Variants in CPT1A observed in about 807,000 individuals in gnomAD.
CPT1A encodes carnitine palmitoyltransferase 1A, also known as carnitine O-palmitoyltransferase 1, liver isoform.
In CPT1A, 64 loss-of-function variants were observed where a neutral mutation model predicts 100.8. The observed-to-expected ratio is 0.63, with a 90% confidence interval of 0.52 to 0.78. The LOEUF is 0.78. Ranked by LOEUF, CPT1A falls within the 30% of genes least tolerant of loss-of-function variation. The pLI is 0.00. For missense variants in CPT1A, 802 were observed against 1,034.1 expected, an observed-to-expected ratio of 0.78 and a Z score of 3.08; for synonymous variants, 363 against 396.0, an observed-to-expected ratio of 0.92 and a Z score of 0.99.
intron 1 of CPT1A, among the ~76,000 whole-genome samples, chr11:68,828,412 C>T (rs1397878156): frequency 6.8e-6 from 1 of 147,762 alleles, no homozygotes; most frequent in African/African-American, 2.5e-5. Flanking sequence ...GGCCCCCCAC[C>T]TCCCACCTGC....
chr11:68,785,610 TAAAA>T, intron 9 of CPT1A: 1 of 122,084 alleles, frequency 8.2e-6, no homozygotes, highest in South Asian at 2.4e-4. Context: ...ATATTATCAT[TAAAA>T]AAAAAAAAAC....
chr11:68,815,681 C>T (rs1194607024), intron 1 of CPT1A, among the ~76,000 whole-genome samples, 194 bp from the exon 2 acceptor site: 1 of 152,212 alleles, frequency 6.6e-6, no homozygotes. Flanking sequence ...CAAAGACAGT[C>T]GCCACCTCTG....
At chr11:68,833,151 C>T (rs1856922010) in intron 1 of CPT1A, among the ~76,000 whole-genome samples, 1 of 152,194 alleles carries the variant, frequency 6.6e-6, no homozygotes, top group Non-Finnish European at 1.5e-5. Context: ...TCTGGCCTGG[C>T]CTCCTCACTG....
chr11:68,826,282 C>G (rs1052241076), intron 1 of CPT1A, among the ~76,000 whole-genome samples: 1 of 152,004 alleles, frequency 6.6e-6, no homozygotes, highest in African/African-American at 2.4e-5. Flanking sequence ...CCTGTCACTA[C>G]TAAAAATACA....
At chr11:68,836,530 T>C (rs186901761) in intron 1 of CPT1A, among the ~76,000 whole-genome samples, 133 of 152,106 alleles carry the variant, frequency 8.7e-4, no homozygotes, top group Non-Finnish European at 1.5e-3. Flanking sequence ...CCCCGCACTT[T>C]GGGAGGGTGA....
Position 68,761,401 on chromosome 11 carries a change from T to C in CPT1A, c.2028+134A>G, listed in dbSNP as rs760450495. 7.5e-4 allele frequency: 746 copies of C among 995,638 alleles called. 1 individual carries two copies. Among genetic ancestry groups the C allele is most frequent in the Middle Eastern group, 3.5e-3 (15 of 4,304 alleles). The allele number at this position is 995,638 out of a possible 1,614,324, so 61.7% of individuals were successfully genotyped here. On this transcript the variant is annotated intron_variant, in intron 16 of 18. Transcript: ENST00000265641. ...CGCGCTGCTCACATTTTCCATTTTA[T>C]GACAGCTACACCCACAGACCCGTTT...
intron 6 of CPT1A, among the ~76,000 whole-genome samples, chr11:68,797,450 C>T (rs1041711520): frequency 6.6e-6 from 1 of 152,060 alleles, no homozygotes; most frequent in African/African-American, 2.4e-5. Flanking sequence ...ACAGGAAGAT[C>T]GCTTGATGCC....
Position 68,841,706 on chromosome 11 carries a change from CCGTCCCCGGCCCCCGCA to C in CPT1A, c.-14+52_-14+68del. 1.2e-6 allele frequency: 1 copy of C among 850,244 alleles called. No individual in the cohort carries two copies. Among genetic ancestry groups the C allele is most frequent in the Non-Finnish European group, 1.4e-6 (1 of 706,098 alleles). The allele number at this position is 850,244 out of a possible 1,614,324, so 52.7% of individuals were successfully genotyped here. A position where few individuals can be genotyped will look rare whatever the true frequency, so the allele number is the denominator to read the frequency against. ...GGTTCCCGGCAGCCCCGCGCCCCGC[CCGTCCCCGGCCCCCGCA>C]GCCCGCAGGGCCGCCCCGCCACCCT... On this transcript the variant is annotated intron_variant, in intron 1 of 18. Coordinates refer to ENST00000265641, the MANE Select transcript of CPT1A (RefSeq NM_001876.4). The surrounding 1 kb of genome is among the most constrained non-coding windows in gnomAD (Gnocchi z 6.3).
chr11:68,779,737 A>C (rs891382588), intron 12 of CPT1A, among the ~76,000 whole-genome samples: 2 of 148,520 alleles, frequency 1.3e-5, no homozygotes, highest in East Asian at 4.0e-4. Flanking sequence ...TCAAGGCTAC[A>C]GTGAGCTATG....
chr11:68,816,754 TCGTGTGTGTG>T (rs760237894), intron 1 of CPT1A, among the ~76,000 whole-genome samples: 2 of 20,052 alleles, frequency 1.0e-4, no homozygotes, highest in Admixed American at 5.5e-4. Flanking sequence ...ATCCAAAAAC[TCGTGTGTGTG>T]TGTGTGTGTG....
Position 68,760,822 on chromosome 11 carries a change from G to A in CPT1A, c.2029-484C>T, listed in dbSNP as rs1027335362. The stretch of plus-strand genomic sequence containing the variant: ...GAGCTCAGGAGTTCGAGACCAGCCT[G>A]GGCAACACGGTGAAACCCCGTCTCT... On this transcript the variant is annotated intron_variant, in intron 16 of 18. Coordinates refer to ENST00000265641, the MANE Select transcript of CPT1A (RefSeq NM_001876.4). 7.9e-5 allele frequency among the ~76,000 whole-genome samples: 12 copies of A among 152,222 alleles called. No individual in the cohort carries two copies. The East Asian group carries it at 2.1e-3, about 27-fold the overall frequency.
At chr11:68,839,356 T>G (rs145894915) in intron 1 of CPT1A, among the ~76,000 whole-genome samples, 1 of 152,182 alleles carries the variant, frequency 6.6e-6, no homozygotes, top group Non-Finnish European at 1.5e-5. Context: ...GCCCCGCCCC[T>G]TCCCCCAAGC....
rs563617991 is a variant in CPT1A, at chr11:68,808,786, A to C, written c.282-1148T>G. Among the ~76,000 whole-genome samples the C allele has an allele frequency of 2.0e-5, 3 of 151,984 alleles. No individual in the cohort carries two copies. The East Asian group carries it at 5.8e-4, about 29-fold the overall frequency. ...AATGATTAAAACACCAATATATATAACCTAAAGGTGTCCCTAATATTTGAA... is the reference window on the plus strand; with the variant it reads ...AATGATTAAAACACCAATATATATACCCTAAAGGTGTCCCTAATATTTGAA... On this transcript the variant is annotated intron_variant, in intron 3 of 18. Coordinates refer to ENST00000265641, the MANE Select transcript of CPT1A (RefSeq NM_001876.4).
chr11:68,801,435 G>A (rs941144441), intron 5 of CPT1A, among the ~76,000 whole-genome samples: 3 of 152,230 alleles, frequency 2.0e-5, no homozygotes, highest in Non-Finnish European at 2.9e-5. Flanking sequence ...CTCGAGACCA[G>A]CCTGGCCAAC....
chr11:68,782,078 T>A, intron 10 of CPT1A, 119 bp from the exon 11 acceptor site: 3 of 927,570 alleles, frequency 3.2e-6, no homozygotes, highest in Non-Finnish European at 5.1e-6. Flanking sequence ...GAAAACTCCA[T>A]GTTGATGATG....
chr11:68,804,698 C>T (rs963134412), intron 4 of CPT1A, among the ~76,000 whole-genome samples: 10 of 152,222 alleles, frequency 6.6e-5, no homozygotes, highest in African/African-American at 9.6e-5. Context: ...GGACCCTGAC[C>T]GTGCTTCTGC....
Position 68,808,257 on chromosome 11 carries a change from C to A in CPT1A, c.282-619G>T, listed in dbSNP as rs181496110. On this transcript the variant is annotated intron_variant, in intron 3 of 18. Transcript: ENST00000265641. ...TATTTAACACAAATAAAGAAACGGA[C>A]TGTGTAAAACGGTCATGTAAATATT... Among the ~76,000 whole-genome samples the A allele has an allele frequency of 1.1e-4, 16 of 152,126 alleles. No individual in the cohort carries two copies. In the East Asian group the frequency reaches 3.1e-3, roughly 29 times the overall value.
chr11:68,759,757 G>A (rs576427955), intron 17 of CPT1A, 96 bp from the exon 18 acceptor site: 3 of 925,312 alleles, frequency 3.2e-6, no homozygotes, highest in Non-Finnish European at 5.3e-6. Flanking sequence ...GCGGGGCTCG[G>A]TGGCTTCTCC....
At chr11:68,784,027 G>A (rs1855384999) in intron 10 of CPT1A, among the ~76,000 whole-genome samples, 2 of 152,080 alleles carry the variant, frequency 1.3e-5, no homozygotes, top group Admixed American at 6.5e-5. Flanking sequence ...GCACCACCAA[G>A]CCTGGCTAAT....
Sources: allele counts gnomAD v4.1 joint callset (sites outside exome capture counted in the v4.1 genomes callset), GRCh38; gene constraint gnomAD v4.1.1; non-coding constraint Gnocchi (gnomAD v3.1); transcripts MANE v1.5; gene names NCBI Gene and HGNC (gene_info 2026-07-23, HGNC 2026-07-21).